The following SLC2A10 variants were observed in gnomAD, a reference collection of about 807,000 sequenced individuals.
The protein encoded by SLC2A10 is solute carrier family 2, facilitated glucose transporter member 10.
Under a neutral mutation model 32.1 loss-of-function variants are expected in SLC2A10, and 25 were observed. The observed-to-expected ratio is 0.78, with a 90% CI of 0.57 to 1.09. SLC2A10 has a LOEUF of 1.09. Ranked by LOEUF, SLC2A10 falls within the 50% of genes least tolerant of loss-of-function variation. SLC2A10 has a pLI of 0.00. For missense variants in SLC2A10, 673 were observed against 686.5 expected (o/e 0.98, Z 0.22); for synonymous variants, 332 against 309.6 (o/e 1.07, Z -0.76).
chr20:46,733,632 C>T, intron 4 of SLC2A10, 124 bp from the exon 5 acceptor site: 1 of 781,428 alleles, frequency 1.3e-6, no homozygotes, highest in East Asian at 2.5e-5. Context: ...AGGCAGGAGG[C>T]AGGAAGGGTC....
Position 46,709,707 on chromosome 20 carries a change from C to T in SLC2A10, c.-30C>T. ...GGGATGCGCGCCCGGCCCCTCAGCGCCCCCAGCACGCCGCCGAGTCCCGCT... is the reference window on the plus strand; with the variant it reads ...GGGATGCGCGCCCGGCCCCTCAGCGTCCCCAGCACGCCGCCGAGTCCCGCT... On this transcript the variant is annotated 5_prime_UTR_variant, in exon 1 of 5. Transcript: ENST00000359271. The T allele has an allele frequency of 1.9e-6, 3 of 1,540,662 alleles. No individual in the cohort carries two copies. Among genetic ancestry groups the T allele is most frequent in the East Asian group, 2.5e-5 (1 of 39,956 alleles).
chr20:46,709,206 A>G (rs1237636215), upstream of SLC2A10, among the ~76,000 whole-genome samples: 1 of 152,164 alleles, frequency 6.6e-6, no homozygotes, highest in East Asian at 1.9e-4. Context: ...GGATGAATCC[A>G]TGAGAGAGTG....
chr20:46,732,988 G>C (rs190380229), intron 4 of SLC2A10, among the ~76,000 whole-genome samples: 51 of 152,318 alleles, frequency 3.3e-4, no homozygotes, highest in African/African-American at 1.2e-3. Context: ...GAGCAAATGG[G>C]ACTGGAGGGG....
At chr20:46,722,802 T>C (rs1047728218) in intron 1 of SLC2A10, among the ~76,000 whole-genome samples, 2 of 152,220 alleles carry the variant, frequency 1.3e-5, no homozygotes, top group African/African-American at 4.8e-5. Context: ...TGGAGCTGTG[T>C]TGTGACTTTA....
Position 46,733,976 on chromosome 20 carries a change from G to T in SLC2A10, c.*142G>T, listed in dbSNP as rs1030127446. The T allele has an allele frequency of 3.9e-6, 3 of 770,214 alleles. No individual in the cohort carries two copies. The African/African-American group carries it at 5.2e-5, about 13-fold the overall frequency. The allele number at this position is 770,214 out of a possible 1,614,324, so 47.7% of individuals were successfully genotyped here. A position where few individuals can be genotyped will look rare whatever the true frequency, so the allele number is the denominator to read the frequency against. Reference sequence around the variant, plus strand: ...CCCAAAGGTGGTCTGCTTTTGCTGGGGTAAAAAGGATGAAAGTCTGAGAAT... The same window carrying T: ...CCCAAAGGTGGTCTGCTTTTGCTGGTGTAAAAAGGATGAAAGTCTGAGAAT... On this transcript the variant is annotated 3_prime_UTR_variant, in exon 5 of 5. Transcript: ENST00000359271.
intron 1 of SLC2A10, among the ~76,000 whole-genome samples, chr20:46,712,983 T>G (rs1311996894): frequency 6.6e-6 from 1 of 152,088 alleles, no homozygotes; most frequent in East Asian, 1.9e-4. Context: ...GGACGAGGCT[T>G]TGCTCTGCTT....
chr20:46,710,718 C>A (rs572783392), intron 1 of SLC2A10, among the ~76,000 whole-genome samples: 2 of 152,260 alleles, frequency 1.3e-5, no homozygotes, highest in South Asian at 2.1e-4. Context: ...GCCAGGATGG[C>A]CAGAGCACAG....
intron 1 of SLC2A10, among the ~76,000 whole-genome samples, 170 bp from the exon 2 acceptor site, chr20:46,724,871 T>TGGAC (rs1326169069): frequency 2.2e-5 from 3 of 136,006 alleles, no homozygotes; most frequent in African/African-American, 8.3e-5. Context: ...AGTGGATGGA[T>TGGAC]GGACGGATGG....
intron 1 of SLC2A10, among the ~76,000 whole-genome samples, chr20:46,710,820 C>T (rs558305720): frequency 2.4e-4 from 36 of 151,998 alleles, no homozygotes; most frequent in African/African-American, 8.2e-4. Context: ...GCAAATGCCA[C>T]GGCAAGCTGG....
chr20:46,729,588 C>A, intron 4 of SLC2A10, 100 bp downstream of exon 4: 2 of 1,167,550 alleles, frequency 1.7e-6, no homozygotes, highest in Non-Finnish European at 1.2e-6. Context: ...TGCAAGCGGG[C>A]ATTCCTCCTG....
At chr20:46,729,569 CT>C in intron 4 of SLC2A10, 81 bp downstream of exon 4, 1 of 1,514,786 alleles carries the variant, frequency 6.6e-7, no homozygotes, top group Non-Finnish European at 9.0e-7. Flanking sequence ...AGTCTTTGTG[CT>C]TTCCTTTTGC....
intron 1 of SLC2A10, among the ~76,000 whole-genome samples, chr20:46,720,765 C>T (rs897486132): frequency 1.3e-5 from 2 of 152,184 alleles, no homozygotes; most frequent in Admixed American, 6.5e-5. Flanking sequence ...TTTTAACACA[C>T]AGATGTTGTA....
At chr20:46,727,117 C>G in intron 3 of SLC2A10, 131 bp downstream of exon 3, 1 of 1,245,526 alleles carries the variant, frequency 8.0e-7, no homozygotes, top group East Asian at 2.3e-5. Context: ...ATCAAATGTC[C>G]AAGACGACAT....
intron 4 of SLC2A10, among the ~76,000 whole-genome samples, chr20:46,729,929 C>T (rs1013662080): frequency 6.6e-6 from 1 of 152,078 alleles, no homozygotes; most frequent in Admixed American, 6.5e-5. Context: ...CGCGCCCGGC[C>T]GGCACTATGA....
intron 1 of SLC2A10, among the ~76,000 whole-genome samples, chr20:46,716,279 G>T (rs1038503919): frequency 6.6e-6 from 1 of 151,224 alleles, no homozygotes; most frequent in Non-Finnish European, 1.5e-5. Flanking sequence ...TCAGCCTCCC[G>T]AGTAGCTGGG....
rs1464942796 is a variant in SLC2A10 at position 46,735,035 on chromosome 20, A to G, written c.*1201A>G. ...CCCCAGCTGGTCCAGGGCCTGGGAA[A>G]TTTCTACTTATCCTCATTACCCAGG... On this transcript the variant is annotated 3_prime_UTR_variant, in exon 5 of 5. Coordinates refer to ENST00000359271, the MANE Select transcript of SLC2A10 (RefSeq NM_030777.4). 6.6e-6 allele frequency: 1 copy of G among 152,634 alleles called. No homozygotes were observed. Among genetic ancestry groups the G allele is most frequent in the Non-Finnish European group, 1.5e-5 (1 of 68,054 alleles). The allele number at this position is 152,634 out of a possible 1,614,324, so 9.5% of individuals were successfully genotyped here.
intron 1 of SLC2A10, among the ~76,000 whole-genome samples, chr20:46,717,923 G>A (rs1369759844): frequency 6.6e-6 from 1 of 152,144 alleles, no homozygotes; most frequent in Non-Finnish European, 1.5e-5. Flanking sequence ...AACTACAGCT[G>A]TTGAAAATAC....
intron 1 of SLC2A10, among the ~76,000 whole-genome samples, chr20:46,712,264 C>T (rs999079882): frequency 4.6e-5 from 7 of 152,180 alleles, no homozygotes; most frequent in Non-Finnish European, 4.4e-5. Flanking sequence ...TCTGGCTTCT[C>T]CCTGGAGCTT....
chr20:46,711,521 G>A (rs751624627), intron 1 of SLC2A10, among the ~76,000 whole-genome samples: 1 of 152,164 alleles, frequency 6.6e-6, no homozygotes, highest in Admixed American at 6.5e-5. Flanking sequence ...AGAGGTCAAG[G>A]TCTTCTTAAG....
Sources: gnomAD v4.1 joint callset for allele counts (sites outside exome capture counted in the v4.1 genomes callset) on GRCh38, gnomAD v4.1.1 for gene constraint, MANE v1.5 for transcripts, NCBI Gene and HGNC (gene_info 2026-07-23, HGNC 2026-07-21) for gene names.